SGCD: variants seen among roughly 807,000 people sequenced by gnomAD.
SGCD encodes sarcoglycan delta, also known as delta-sarcoglycan.
A neutral mutation model predicts 36.6 loss-of-function variants in SGCD; 18 were observed. The observed-to-expected ratio is 0.49, with a 90% CI of 0.34 to 0.73. The LOEUF is 0.73. SGCD is among the 30% of genes least tolerant of loss of function. The pLI is 0.01. For synonymous variants in SGCD, 133 were observed against 130.6 expected (o/e 1.02, Z -0.12); for missense variants, 387 against 346.7 (o/e 1.12, Z -0.92).
intron 3 of SGCD, among the ~76,000 whole-genome samples, chr5:156,204,615 C>A (rs1764229649): frequency 1.3e-5 from 2 of 151,924 alleles, no homozygotes; most frequent in South Asian, 2.1e-4. Flanking sequence ...GTTATGTCAC[C>A]CTTCTCAGCC....
chr5:156,749,964 CA>C (rs151071457), intron 7 of SGCD, among the ~76,000 whole-genome samples: 14,065 of 150,864 alleles, frequency 0.093, 865 homozygotes, highest in Middle Eastern at 0.17. Flanking sequence ...TGCAAATTAC[CA>C]AAAAAAATGA....
intron 7 of SGCD, among the ~76,000 whole-genome samples, chr5:156,693,632 AT>A (rs1023416779): frequency 3.9e-5 from 6 of 152,142 alleles, no homozygotes; most frequent in African/African-American, 4.8e-5. Flanking sequence ...TGAAAAGGAA[AT>A]TGTTTAGAGG....
chr5:156,163,681 A>C (rs1424818601), intron 3 of SGCD, among the ~76,000 whole-genome samples: 1 of 151,542 alleles, frequency 6.6e-6, no homozygotes, highest in East Asian at 1.9e-4. Context: ...CAGAAATGAC[A>C]CGAACTGATT....
intron 4 of SGCD, among the ~76,000 whole-genome samples, chr5:156,548,765 G>C (rs542984847): frequency 6.6e-6 from 1 of 152,182 alleles, no homozygotes; most frequent in African/African-American, 2.4e-5. Flanking sequence ...GTGATGGTGA[G>C]TGAGGCCATT....
intron 1 of SGCD, among the ~76,000 whole-genome samples, chr5:156,327,928 A>G (rs1285235253): frequency 6.6e-6 from 1 of 152,228 alleles, no homozygotes. Context: ...CTCAAAAAAC[A>G]CTTCTGTATT....
At chr5:156,069,468 A>G (rs1040039990) in intron 1 of SGCD, among the ~76,000 whole-genome samples, 9 of 152,148 alleles carry the variant, frequency 5.9e-5, no homozygotes, top group African/African-American at 9.7e-5. Context: ...GGTCTCTTCC[A>G]TTCCATTGAT....
the SGCD span, among the ~76,000 whole-genome samples, chr5:155,828,285 A>G: frequency 6.6e-6 from 1 of 152,154 alleles, no homozygotes; most frequent in East Asian, 1.9e-4. Context: ...ATCCTTGTTT[A>G]GATCAGAGGA....
chr5:156,164,329 G>A (rs1243599272), intron 3 of SGCD, among the ~76,000 whole-genome samples: 1 of 151,994 alleles, frequency 6.6e-6, no homozygotes, highest in African/African-American at 2.4e-5. Context: ...TCAATTGATG[G>A]ACTAGTTTCT....
chr5:156,486,518 C>G (rs1054982478), intron 3 of SGCD, among the ~76,000 whole-genome samples: 2 of 152,116 alleles, frequency 1.3e-5, no homozygotes, highest in African/African-American at 4.8e-5. Context: ...CCTATCACCA[C>G]CCCTGCTAGT....
the SGCD span, among the ~76,000 whole-genome samples, chr5:155,832,389 T>C: frequency 1.4e-3 from 215 of 152,348 alleles, 1 homozygote; most frequent in Non-Finnish European, 2.5e-3. Flanking sequence ...ATGAACTTTG[T>C]GGTCTCTTAA....
At chr5:156,301,654 G>A (rs1310810537) in intron 3 of SGCD, among the ~76,000 whole-genome samples, 2 of 152,200 alleles carry the variant, frequency 1.3e-5, no homozygotes, top group Non-Finnish European at 2.9e-5. Context: ...TTGTCTTTCA[G>A]ATTGAAGAAC....
chr5:155,995,188 A>C (rs920209994), intron 1 of SGCD, among the ~76,000 whole-genome samples: 5 of 152,208 alleles, frequency 3.3e-5, no homozygotes, highest in Non-Finnish European at 7.3e-5. Flanking sequence ...TTCATAAAAA[A>C]GGACTTAAAA....
intron 3 of SGCD, among the ~76,000 whole-genome samples, chr5:156,220,430 T>G (rs1246194607): frequency 6.6e-6 from 1 of 152,176 alleles, no homozygotes. Context: ...TAAATCAAAA[T>G]CTTCAGGTAT....
At chr5:155,950,460 C>G (rs915979261) in intron 1 of SGCD, among the ~76,000 whole-genome samples, 1 of 152,138 alleles carries the variant, frequency 6.6e-6, no homozygotes, top group Non-Finnish European at 1.5e-5. Flanking sequence ...CGGTTAAACC[C>G]GTCCCTGAAC....
chr5:156,319,413 A>C (rs918356283), intron 3 of SGCD, among the ~76,000 whole-genome samples: 3 of 152,230 alleles, frequency 2.0e-5, no homozygotes, highest in Non-Finnish European at 2.9e-5. Flanking sequence ...TTGGAATAAC[A>C]TTCTGTTTTT....
chr5:156,336,117 A>G (rs1447738106), intron 2 of SGCD, among the ~76,000 whole-genome samples: 1 of 151,896 alleles, frequency 6.6e-6, no homozygotes, highest in Non-Finnish European at 1.5e-5. Context: ...GCCCAAGCTA[A>G]TTTTCAAACA....
the SGCD span, among the ~76,000 whole-genome samples, chr5:155,779,005 T>C: frequency 6.6e-6 from 1 of 152,140 alleles, no homozygotes; most frequent in African/African-American, 2.4e-5. Context: ...TTGAATTTTG[T>C]TGGGAAAATT....
At chr5:155,915,242 C>T (rs901189406) in intron 1 of SGCD, among the ~76,000 whole-genome samples, 10 of 152,142 alleles carry the variant, frequency 6.6e-5, no homozygotes, top group Non-Finnish European at 1.5e-4. Flanking sequence ...AATTTTTATT[C>T]CTCAGATGTA....
Position 156,073,965 on chromosome 5 carries a change from C to T in SGCD, c.-281-43913C>T, listed in dbSNP as rs543436562. On this transcript the variant is annotated intron_variant, in intron 1 of 9. Coordinates refer to the SGCD transcript ENST00000517913. ...GAGCCATTTCATGGAAGAAGGACAA[C>T]CCAGCTAGGTCTTGAAGGGTGAGTA... Among the ~76,000 whole-genome samples, 3 of 152,204 alleles carry T rather than the reference C, an allele frequency of 2.0e-5. No homozygotes were observed. In the South Asian group the frequency reaches 6.2e-4, roughly 32 times the overall value.
Sources: gnomAD v4.1 joint callset for allele counts (sites outside exome capture counted in the v4.1 genomes callset) on GRCh38, gnomAD v4.1.1 for gene constraint, MANE v1.5 for transcripts, NCBI Gene and HGNC (gene_info 2026-07-23, HGNC 2026-07-21) for gene names.